EMC3: variants seen among roughly 807,000 people sequenced by gnomAD.
The protein encoded by EMC3 is ER membrane protein complex subunit 3, also known as 30 kDa protein.
Under a neutral mutation model 36.6 loss-of-function variants are expected in EMC3, and 13 were observed. The observed-to-expected ratio is 0.35, with a 90% CI of 0.23 to 0.56. The LOEUF (loss-of-function observed/expected upper bound fraction) is 0.56, where lower values mean the gene tolerates loss of function less well. Ranked by LOEUF, EMC3 falls within the 20% of genes least tolerant of loss-of-function variation. The probability of loss-of-function intolerance (pLI) is 0.84; values close to 1 mark genes in which losing one functional copy is unlikely to be tolerated. For synonymous variants in EMC3, 120 were observed against 111.9 expected, an observed-to-expected ratio of 1.07 and a Z score of -0.46; for missense variants, 220 against 324.5, an observed-to-expected ratio of 0.68 and a Z score of 2.47.
At position 9,994,299 on chromosome 3, in the gene EMC3, G is replaced by A. The variant is rs1171552828; in HGVS notation, c.-241-7397C>T. On this transcript the variant is annotated intron_variant, in intron 1 of 8. Coordinates refer to the EMC3 transcript ENST00000470827. ...TCTCCTATACAAATAATGTGTTTAT[G>A]TTTTTTGACACATACTGCCAGCAGG... is the stretch of plus-strand genomic sequence containing the variant. 8 of 1,037,508 alleles carry A rather than the reference G, an allele frequency of 7.7e-6. No individual in the cohort carries two copies. The East Asian group carries it at 1.3e-4, about 17-fold the overall frequency. 64.3% of individuals were successfully genotyped at this position (1,037,508 alleles called of 1,614,324 possible). A position where few individuals can be genotyped will look rare whatever the true frequency, so the allele number is the denominator to read the frequency against.
chr3:9,966,284 G>A (rs1317497495), intron 7 of EMC3, among the ~76,000 whole-genome samples: 2 of 150,724 alleles, frequency 1.3e-5, no homozygotes, highest in South Asian at 2.1e-4. Flanking sequence ...GTGCAGTGGC[G>A]CAATCTCCGC....
Position 9,966,094 on chromosome 3 carries a change from C to T in EMC3, c.658-1897G>A, listed in dbSNP as rs991171698. Among the ~76,000 whole-genome samples the T allele has an allele frequency of 3.9e-5, 6 of 152,274 alleles. No individual in the cohort carries two copies. The East Asian group carries it at 1.2e-3, about 29-fold the overall frequency. On this transcript the variant is annotated intron_variant, in intron 7 of 7. Coordinates refer to ENST00000245046, the MANE Select transcript of EMC3 (RefSeq NM_001394674.1). ...AACTGTTTGAGGAAAGGCAGAAAAA[C>T]TGTTTTCCAAAGTGGCTGTACCATC... is the stretch of plus-strand genomic sequence containing the variant.
chr3:9,996,899 T>C (rs1391520305), intron 1 of EMC3, among the ~76,000 whole-genome samples: 5 of 152,220 alleles, frequency 3.3e-5, no homozygotes, highest in African/African-American at 1.2e-4. Context: ...ATCAGTAATA[T>C]AAAGTTTCTT....
intron 1 of EMC3, among the ~76,000 whole-genome samples, chr3:9,995,791 C>T (rs1453540118): frequency 6.6e-6 from 1 of 151,946 alleles, no homozygotes; most frequent in African/African-American, 2.4e-5. Context: ...GCACGTGTCA[C>T]CACAATCGGC....
chr3:9,975,583 C>T (rs1013876387), intron 3 of EMC3, among the ~76,000 whole-genome samples: 19 of 151,680 alleles, frequency 1.3e-4, no homozygotes, highest in Admixed American at 9.8e-4. Flanking sequence ...GAGGCCAAGG[C>T]GGGCGGATCA....
At chr3:9,995,644 TTC>T (rs1235428847) in intron 1 of EMC3, among the ~76,000 whole-genome samples, 1 of 150,782 alleles carries the variant, frequency 6.6e-6, no homozygotes, top group Non-Finnish European at 1.5e-5. Flanking sequence ...TTGGGAAAGA[TTC>T]TGTTTTTTGA....
At chr3:9,971,081 C>A (rs1005682168) in intron 5 of EMC3, among the ~76,000 whole-genome samples, 6 of 152,104 alleles carry the variant, frequency 3.9e-5, no homozygotes, top group South Asian at 2.1e-4. Flanking sequence ...CACCACCATG[C>A]CTGGCTAATT....
upstream of EMC3, among the ~76,000 whole-genome samples, chr3:9,991,050 G>C (rs371395191): frequency 4.0e-5 from 6 of 151,156 alleles, no homozygotes; most frequent in Non-Finnish European, 8.8e-5. Flanking sequence ...GGATGGTCTC[G>C]ATCTCCTGAC....
chr3:10,010,858 C>T (rs1319189418), intron 1 of EMC3: 6 of 152,310 alleles, frequency 3.9e-5, no homozygotes, highest in Non-Finnish European at 8.8e-5. Context: ...ATGGGTGGCC[C>T]GCAGGGGACG....
intron 3 of EMC3, among the ~76,000 whole-genome samples, chr3:9,975,815 GAAA>G (rs56879267): frequency 0.28 from 24,384 of 87,890 alleles, 1,966 homozygotes; most frequent in African/African-American, 0.33. Context: ...CCTTTCTGAA[GAAA>G]AAAAAAAAAA....
upstream of EMC3, chr3:9,988,489 G>T (rs148542800): frequency 1.3e-5 from 16 of 1,241,190 alleles, no homozygotes; most frequent in Non-Finnish European, 1.7e-5. Context: ...TGGGATCTTT[G>T]GAACTTTGAT....
chr3:9,985,976 A>C (rs963441116), intron 1 of EMC3, among the ~76,000 whole-genome samples: 6 of 152,336 alleles, frequency 3.9e-5, no homozygotes, highest in African/African-American at 1.4e-4. Flanking sequence ...AGTGGGGGGA[A>C]ATAATTACAA....
At chr3:9,969,870 T>C in intron 6 of EMC3, 69 bp from the exon 7 acceptor site, 1 of 1,588,662 alleles carries the variant, frequency 6.3e-7, no homozygotes, top group Non-Finnish European at 8.6e-7. Context: ...AGGGGAAGAA[T>C]GGGCTTCACA....
intron 1 of EMC3, chr3:9,994,278 C>G (rs1029980153): frequency 2.5e-6 from 3 of 1,189,068 alleles, no homozygotes; most frequent in Non-Finnish European, 3.7e-6. Context: ...TGGCAGTCTC[C>G]TATACAAATA....
At chr3:9,974,858 T>G (rs954188537) in intron 3 of EMC3, among the ~76,000 whole-genome samples, 2 of 75,040 alleles carry the variant, frequency 2.7e-5, no homozygotes, top group African/African-American at 7.5e-5. Context: ...GCACCCAGCG[T>G]TTTTTTTTTT....
chr3:9,972,441 C>T (rs1382103757), intron 5 of EMC3, among the ~76,000 whole-genome samples: 1 of 138,022 alleles, frequency 7.2e-6, no homozygotes, highest in Non-Finnish European at 1.5e-5. Context: ...CCACCCATGG[C>T]ATTTTCAGTG....
At chr3:9,983,359 G>T (rs1010969641) in intron 1 of EMC3, among the ~76,000 whole-genome samples, 1 of 152,016 alleles carries the variant, frequency 6.6e-6, no homozygotes, top group African/African-American at 2.4e-5. Flanking sequence ...TGTTGGCCAG[G>T]CTGGTCTTGA....
At chr3:10,000,991 T>G in intron 1 of EMC3, 1 of 271,416 alleles carries the variant, frequency 3.7e-6, no homozygotes, top group South Asian at 3.6e-5. Context: ...AGGTTGCCAC[T>G]CCAAAGCCGG....
At position 9,986,822 on chromosome 3, in the gene EMC3, G is replaced by T. The variant is rs1054506304; in HGVS notation, c.-161C>A. ...GAGCCGAGCTTACTGCCTTCAGCTGGGCTGCCTGGTCTTCCACTTCCGGCG... is the reference window on the plus strand; with the variant it reads ...GAGCCGAGCTTACTGCCTTCAGCTGTGCTGCCTGGTCTTCCACTTCCGGCG... On this transcript the variant is annotated 5_prime_UTR_variant, in exon 1 of 8. Coordinates refer to ENST00000245046, the MANE Select transcript of EMC3 (RefSeq NM_001394674.1). 2 of 1,412,320 alleles carry T rather than the reference G, an allele frequency of 1.4e-6. No homozygotes were observed. Among genetic ancestry groups the T allele is most frequent in the African/African-American group, 2.9e-5 (2 of 69,452 alleles). The allele number at this position is 1,412,320 out of a possible 1,614,324, so 87.5% of individuals were successfully genotyped here.
Sources: gnomAD v4.1 joint callset for allele counts (sites outside exome capture counted in the v4.1 genomes callset) on GRCh38, gnomAD v4.1.1 for gene constraint, MANE v1.5 for transcripts, NCBI Gene and HGNC (gene_info 2026-07-23, HGNC 2026-07-21) for gene names.